Variants in POSTN observed in about 807,000 individuals in gnomAD.
POSTN encodes the protein periostin.
POSTN carries 71 observed loss-of-function variants against 104.5 expected under a neutral mutation model. The observed-to-expected ratio is 0.68, with a 90% CI of 0.56 to 0.83. The LOEUF is 0.83. POSTN is among the 40% of genes least tolerant of loss of function. The pLI, the probability that POSTN is intolerant of heterozygous loss-of-function variation, is 0.00. For missense variants in POSTN, 949 were observed against 1,006.8 expected, an observed-to-expected ratio of 0.94 and a Z score of 0.78; for synonymous variants, 355 against 340.7, an observed-to-expected ratio of 1.04 and a Z score of -0.46.
At chr13:37,585,744 A>G (rs1950724569) in intron 7 of POSTN, among the ~76,000 whole-genome samples, 1 of 152,208 alleles carries the variant, frequency 6.6e-6, no homozygotes. Context: ...TCTTATGTGT[A>G]TCAGTAATTA....
In POSTN at chr13:37,588,069, T is replaced by G. The variant is rs139316175; in HGVS notation, c.442-83A>C. On this transcript the variant is annotated intron_variant, in intron 4 of 22. Coordinates refer to ENST00000379747, the MANE Select transcript of POSTN (RefSeq NM_006475.3). ...TACGATCACCCTATTTCTACTCTCT[T>G]GCTATTTTCTCATTTCATTATCAGA... The G allele has an allele frequency of 5.6e-4, 623 of 1,110,260 alleles. 2 individuals carry two copies. In the African/African-American group the frequency reaches 8.9e-3, roughly 16 times the overall value. 68.8% of individuals were successfully genotyped at this position (1,110,260 alleles called of 1,614,324 possible). A position where few individuals can be genotyped will look rare whatever the true frequency, so the allele number is the denominator to read the frequency against.
intron 1 of POSTN, 93 bp from the exon 2 acceptor site, chr13:37,597,375 T>C (rs1175871365): frequency 1.3e-6 from 1 of 754,188 alleles, no homozygotes; most frequent in African/African-American, 1.9e-5. Context: ...AATGTTGAGA[T>C]GTGGATTTGA....
At position 37,587,960 on chromosome 13, in the gene POSTN, G is replaced by A. The variant is rs368300503; in HGVS notation, c.468C>T (p.Asn156=). 142 of 1,603,710 alleles carry A rather than the reference G, an allele frequency of 8.9e-5. No individual in the cohort carries two copies. The highest frequency in any genetic ancestry group is 1.4e-4 in the South Asian group (13 of 90,178). The part of the protein sequence containing the change: ...DSDIRRGLES[N]VNVELLNALH... The stretch of plus-strand genomic sequence containing the variant: ...AAGCATTCAGTAATTCAACATTCAC[G>A]TTGCTCTCCAAACCTCTACGGATAT... The change falls in exon 5 of 23, where the codon AAC becomes AAT. Residue 156 remains asparagine (N), a synonymous_variant. Coordinates refer to ENST00000379747, the MANE Select transcript of POSTN (RefSeq NM_006475.3).
Position 37,598,707 on chromosome 13 carries a change from A to G in POSTN, c.20T>C (p.Met7Thr), listed in dbSNP as rs767171841. 5.0e-6 allele frequency: 8 copies of G among 1,613,190 alleles called. No individual in the cohort carries two copies. The highest frequency in any genetic ancestry group is 6.8e-6 in the Non-Finnish European group (8 of 1,179,292). Residue 7 changes from methionine (M) to threonine (T), a missense_variant, in exon 1 of 23, where the codon ATG becomes ACG. Coordinates refer to ENST00000379747, the MANE Select transcript of POSTN (RefSeq NM_006475.3). Reference protein sequence around the residue: MIPFLPMFSLLLLLIVN... With the variant: MIPFLPTFSLLLLLIVN... ...AATAAGCAGCAATAGTAGAGAAAAC[A>G]TGGGTAAAAAGGGAATCATCTTGAG...
intron 3 of POSTN, among the ~76,000 whole-genome samples, chr13:37,591,250 A>T (rs1196246123): frequency 6.6e-6 from 1 of 152,186 alleles, no homozygotes; most frequent in Non-Finnish European, 1.5e-5. Context: ...CTATGCCTAA[A>T]TTGAGAAAAA....
chr13:37,575,994 G>A (rs1566016642), intron 16 of POSTN, among the ~76,000 whole-genome samples: 1 of 152,076 alleles, frequency 6.6e-6, no homozygotes, highest in East Asian at 1.9e-4. Flanking sequence ...TCATGTTAAG[G>A]AATTTGACGT....
chr13:37,596,549 T>C (rs900127486), intron 2 of POSTN, among the ~76,000 whole-genome samples: 1 of 152,242 alleles, frequency 6.6e-6, no homozygotes, highest in Non-Finnish European at 1.5e-5. Context: ...TAAAACATAA[T>C]CATCCTTTGG....
intron 18 of POSTN, chr13:37,570,906 G>A: frequency 2.3e-6 from 1 of 440,236 alleles, no homozygotes; most frequent in Non-Finnish European, 4.1e-6. Context: ...AACTCTCCAT[G>A]TCATACTTGT....
chr13:37,592,423 C>T (rs1037114027), intron 2 of POSTN, among the ~76,000 whole-genome samples: 3 of 152,088 alleles, frequency 2.0e-5, no homozygotes, highest in African/African-American at 7.2e-5. Context: ...CTCAACCTCC[C>T]GAGTAGCTGG....
intron 4 of POSTN, among the ~76,000 whole-genome samples, chr13:37,588,904 G>T (rs1406252347): frequency 6.6e-6 from 1 of 152,180 alleles, no homozygotes; most frequent in Non-Finnish European, 1.5e-5. Context: ...GGAAGGTTGA[G>T]TGGTAATGTA....
At chr13:37,595,126 G>T (rs1951049445) in intron 2 of POSTN, among the ~76,000 whole-genome samples, 1 of 150,932 alleles carries the variant, frequency 6.6e-6, no homozygotes. Context: ...CATATATTTA[G>T]ATGGTTAAAG....
At chr13:37,590,035 T>G (rs1027206280) in intron 4 of POSTN, among the ~76,000 whole-genome samples, 6 of 152,286 alleles carry the variant, frequency 3.9e-5, no homozygotes, top group African/African-American at 1.2e-4. Flanking sequence ...GCTTCTTAAC[T>G]TACCTTTCTG....
chr13:37,577,417 C>CTTTT (rs1950441143), intron 16 of POSTN, among the ~76,000 whole-genome samples: 1 of 152,164 alleles, frequency 6.6e-6, no homozygotes, highest in Non-Finnish European at 1.5e-5. Context: ...TTTCTGTGTC[C>CTTTT]ACACATCTGA....
At chr13:37,578,618 A>T (rs1950483351) in intron 15 of POSTN, among the ~76,000 whole-genome samples, 1 of 151,942 alleles carries the variant, frequency 6.6e-6, no homozygotes, top group Non-Finnish European at 1.5e-5. Flanking sequence ...GAACACAGTG[A>T]AACCCCATCT....
chr13:37,577,859 G>T, intron 15 of POSTN, 61 bp from the exon 16 acceptor site: 2 of 1,603,720 alleles, frequency 1.2e-6, no homozygotes, highest in South Asian at 2.2e-5. Flanking sequence ...ACAAAACCAT[G>T]GCACCACTTT....
At chr13:37,564,199 TATATATATATATA>T (rs1950017202) in intron 22 of POSTN, among the ~76,000 whole-genome samples, 10 of 110,642 alleles carry the variant, frequency 9.0e-5, no homozygotes, top group African/African-American at 1.8e-4. Context: ...TATATATATA[TATATATATATATA>T]TATATATATA....
At chr13:37,572,497 A>C (rs966802234) in intron 17 of POSTN, among the ~76,000 whole-genome samples, 1 of 151,662 alleles carries the variant, frequency 6.6e-6, no homozygotes, top group African/African-American at 2.4e-5. Context: ...AGGACGCCTA[A>C]GGAATTTAAG....
chr13:37,570,912 C>T, intron 18 of POSTN: 1 of 385,516 alleles, frequency 2.6e-6, no homozygotes, highest in Non-Finnish European at 4.7e-6. Flanking sequence ...CCATGTCATA[C>T]TTGTTTTCTG....
At position 37,593,036 on chromosome 13, in the gene POSTN, A is replaced by G. The variant is rs375399022; in HGVS notation, c.219-872T>C. Among the ~76,000 whole-genome samples the G allele has an allele frequency of 4.0e-5, 6 of 151,290 alleles. No homozygotes were observed. In the South Asian group the frequency reaches 8.3e-4, roughly 21 times the overall value. On this transcript the variant is annotated intron_variant, in intron 2 of 22. Transcript: ENST00000379747. The stretch of plus-strand genomic sequence containing the variant: ...TATATATAAACTTTAAAATCTTTTT[A>G]TTTTTGTAAAATTTGATAAAAATAA...
Sources: gnomAD v4.1 joint callset for allele counts (sites outside exome capture counted in the v4.1 genomes callset) on GRCh38, gnomAD v4.1.1 for gene constraint, MANE v1.5 for transcripts, NCBI Gene and HGNC (gene_info 2026-07-23, HGNC 2026-07-21) for gene names.